Variants in TNFSF4 observed in about 807,000 individuals in gnomAD.
The protein encoded by TNFSF4 is TNF superfamily member 4.
TNFSF4 carries 4 observed loss-of-function variants against 7.3 expected under a neutral mutation model. That is an observed-to-expected ratio of 0.55 (90% CI 0.27 to 1.25). The LOEUF (loss-of-function observed/expected upper bound fraction) is 1.25, where lower values mean the gene tolerates loss of function less well. Among genes scored for constraint, TNFSF4 ranks in the 50% most tolerant of loss-of-function variants. The pLI, the probability that TNFSF4 is intolerant of heterozygous loss-of-function variation, is 0.12. For synonymous variants in TNFSF4, 76 were observed against 83.7 expected (o/e 0.91, Z 0.50); for missense variants, 181 against 208.8 (o/e 0.87, Z 0.82).
At chr1:173,348,910 A>T in the TNFSF4 span, among the ~76,000 whole-genome samples, 1 of 152,332 alleles carries the variant, frequency 6.6e-6, no homozygotes, top group Non-Finnish European at 1.5e-5. Flanking sequence ...ATTGTACCAC[A>T]ACCTAGCCTA....
the TNFSF4 span, among the ~76,000 whole-genome samples, chr1:173,448,496 G>A: frequency 5.3e-5 from 8 of 152,280 alleles, no homozygotes; most frequent in Non-Finnish European, 1.2e-4. Context: ...GTGCAGGTGG[G>A]CTGAGTCCGA....
At chr1:173,314,180 C>T in the TNFSF4 span, among the ~76,000 whole-genome samples, 151,957 of 152,246 alleles carry the variant, frequency 1, 75,836 homozygotes, top group Non-Finnish European at 1. Context: ...CCCTTTTGCC[C>T]GTCTCACAAA....
chr1:173,275,493 G>T, the TNFSF4 span, among the ~76,000 whole-genome samples: 1 of 152,126 alleles, frequency 6.6e-6, no homozygotes, highest in Non-Finnish European at 1.5e-5. Flanking sequence ...AAGGTGAATT[G>T]CCTCTGAACA....
the TNFSF4 span, among the ~76,000 whole-genome samples, chr1:173,287,303 C>T: frequency 6.6e-6 from 1 of 152,108 alleles, no homozygotes; most frequent in African/African-American, 2.4e-5. Context: ...CCACTGCACT[C>T]CAACCTGGAT....
chr1:173,255,055 GGTAAAACTA>G, the TNFSF4 span, among the ~76,000 whole-genome samples: 1 of 152,052 alleles, frequency 6.6e-6, no homozygotes, highest in Non-Finnish European at 1.5e-5. Flanking sequence ...GGGGAAAGGG[GGTAAAACTA>G]GTCTTTCTCT....
chr1:173,325,278 G>A, the TNFSF4 span, among the ~76,000 whole-genome samples: 3 of 152,116 alleles, frequency 2.0e-5, no homozygotes, highest in East Asian at 1.9e-4. Flanking sequence ...GGTACATAAT[G>A]AAATGAAGGC....
the TNFSF4 span, among the ~76,000 whole-genome samples, chr1:173,258,534 C>T: frequency 6.6e-6 from 1 of 152,156 alleles, no homozygotes; most frequent in Non-Finnish European, 1.5e-5. Flanking sequence ...GTCCCAAGCA[C>T]AGAGTTGTGC....
the TNFSF4 span, among the ~76,000 whole-genome samples, chr1:173,341,534 G>T: frequency 6.6e-6 from 1 of 152,184 alleles, no homozygotes; most frequent in Non-Finnish European, 1.5e-5. Context: ...AAGAATTCTG[G>T]ATGTGGAATC....
the TNFSF4 span, among the ~76,000 whole-genome samples, chr1:173,263,195 T>C: frequency 0.077 from 11,792 of 152,176 alleles, 597 homozygotes; most frequent in African/African-American, 0.14. Context: ...TATGGTGAAA[T>C]GGCCATACTG....
chr1:173,235,401 A>G, the TNFSF4 span, among the ~76,000 whole-genome samples: 4 of 152,180 alleles, frequency 2.6e-5, no homozygotes, highest in East Asian at 1.9e-4. Flanking sequence ...CTTCTCCCCA[A>G]TTTATAAGGC....
chr1:173,372,109 A>G, the TNFSF4 span, among the ~76,000 whole-genome samples: 2 of 152,244 alleles, frequency 1.3e-5, no homozygotes. Flanking sequence ...TTGAAGGCCC[A>G]GCTCTGCCTA....
chr1:173,195,923 G>A (rs1235221190), intron 1 of TNFSF4, among the ~76,000 whole-genome samples: 1 of 152,186 alleles, frequency 6.6e-6, no homozygotes, highest in Non-Finnish European at 1.5e-5. Context: ...CACTGCCACT[G>A]GACGTGAACC....
chr1:173,343,970 T>G, the TNFSF4 span, among the ~76,000 whole-genome samples: 3 of 152,212 alleles, frequency 2.0e-5, no homozygotes, highest in African/African-American at 7.2e-5. Context: ...CTGGCAACTT[T>G]ATGAATATTA....
the TNFSF4 span, among the ~76,000 whole-genome samples, chr1:173,392,854 T>C: frequency 1.3e-5 from 2 of 152,208 alleles, no homozygotes; most frequent in East Asian, 3.9e-4. Flanking sequence ...TATAAAACAC[T>C]GATGAATTGC....
chr1:173,343,901 A>G, the TNFSF4 span, among the ~76,000 whole-genome samples: 2 of 152,356 alleles, frequency 1.3e-5, no homozygotes, highest in African/African-American at 4.8e-5. Flanking sequence ...AGTACTGACA[A>G]TGGAAATAAA....
At chr1:173,320,687 G>A in the TNFSF4 span, among the ~76,000 whole-genome samples, 2 of 152,100 alleles carry the variant, frequency 1.3e-5, no homozygotes. Flanking sequence ...ACCAATAATA[G>A]ACAAACAGAG....
At chr1:173,228,317 G>A in the TNFSF4 span, among the ~76,000 whole-genome samples, 2 of 152,152 alleles carry the variant, frequency 1.3e-5, no homozygotes, top group Admixed American at 6.5e-5. Context: ...CAGGCAAAGA[G>A]GGTCTGGAGT....
At chr1:173,442,771 G>A in the TNFSF4 span, among the ~76,000 whole-genome samples, 3 of 151,622 alleles carry the variant, frequency 2.0e-5, no homozygotes, top group African/African-American at 7.3e-5. Context: ...GGCTGGTCTC[G>A]AACTCCTGAA....
At chr1:173,301,731 A>T in the TNFSF4 span, among the ~76,000 whole-genome samples, 1 of 151,786 alleles carries the variant, frequency 6.6e-6, no homozygotes, top group Non-Finnish European at 1.5e-5. Flanking sequence ...GCTTCATTTG[A>T]TCCAAAAATG....
Sources: allele counts gnomAD v4.1 joint callset (sites outside exome capture counted in the v4.1 genomes callset), GRCh38; gene constraint gnomAD v4.1.1; transcripts MANE v1.5; gene names NCBI Gene and HGNC (gene_info 2026-07-23, HGNC 2026-07-21).